GALNTL6: variants seen among roughly 807,000 people sequenced by gnomAD.
GALNTL6 encodes polypeptide N-acetylgalactosaminyltransferase-like 6.
Under a neutral mutation model 73.7 loss-of-function variants are expected in GALNTL6, and 46 were observed. The ratio of observed to expected loss-of-function variants is 0.62; its 90% CI spans 0.49 to 0.80. GALNTL6 has a LOEUF of 0.80. Among genes scored for constraint, GALNTL6 ranks in the 30% least tolerant of loss-of-function variants. The pLI is 0.00. For missense variants in GALNTL6, 604 were observed against 755.0 expected (o/e 0.80, Z 2.34); for synonymous variants, 259 against 263.7 (o/e 0.98, Z 0.17).
chr4:172,757,795 G>A (rs561286655), intron 5 of GALNTL6, among the ~76,000 whole-genome samples: 126 of 152,296 alleles, frequency 8.3e-4, no homozygotes, highest in African/African-American at 2.8e-3. Flanking sequence ...TAAATGTTGA[G>A]ATGTTACGTC....
chr4:171,963,055 T>G (rs547225392), intron 2 of GALNTL6, among the ~76,000 whole-genome samples: 1 of 145,462 alleles, frequency 6.9e-6, no homozygotes. Context: ...TGTGAGCCAC[T>G]GCGCCCAACC....
intron 8 of GALNTL6, among the ~76,000 whole-genome samples, chr4:172,895,435 G>T (rs1746274703): frequency 6.7e-6 from 1 of 149,152 alleles, no homozygotes; most frequent in African/African-American, 2.5e-5. Flanking sequence ...CTGAATCTAT[G>T]GTTCCACTCC....
chr4:172,454,147 A>T (rs576858590), intron 5 of GALNTL6, among the ~76,000 whole-genome samples: 1 of 152,330 alleles, frequency 6.6e-6, no homozygotes, highest in African/African-American at 2.4e-5. Context: ...AAAAAAAATA[A>T]TAAGAGGCTT....
intron 5 of GALNTL6, among the ~76,000 whole-genome samples, chr4:172,607,309 A>G (rs1738341028): frequency 6.6e-6 from 1 of 152,076 alleles, no homozygotes; most frequent in African/African-American, 2.4e-5. Context: ...TCCACCCTCA[A>G]GTAGACCCTG....
At chr4:173,037,709 A>T (rs1753749879) in intron 12 of GALNTL6, among the ~76,000 whole-genome samples, 1 of 151,712 alleles carries the variant, frequency 6.6e-6, no homozygotes, top group Non-Finnish European at 1.5e-5. Flanking sequence ...ATGTGTTTTG[A>T]GGGGGAAATT....
chr4:172,778,975 ACT>A (rs796418429), intron 5 of GALNTL6, among the ~76,000 whole-genome samples: 20 of 143,260 alleles, frequency 1.4e-4, no homozygotes, highest in East Asian at 4.0e-4. Context: ...ACCCCCCTTC[ACT>A]CTCTCTCTCT....
At chr4:171,886,477 G>C (rs998378103) in intron 2 of GALNTL6, among the ~76,000 whole-genome samples, 52 of 110,708 alleles carry the variant, frequency 4.7e-4, no homozygotes, top group Non-Finnish European at 2.8e-4. Flanking sequence ...TTTAGTTTAT[G>C]AGTAAAAAAG....
chr4:172,937,145 T>A (rs1220564041), intron 9 of GALNTL6, among the ~76,000 whole-genome samples: 1 of 151,984 alleles, frequency 6.6e-6, no homozygotes, highest in Non-Finnish European at 1.5e-5. Context: ...CTTTACTCCT[T>A]GACTGTAGGG....
chr4:172,765,423 G>T (rs1162688207), intron 5 of GALNTL6, among the ~76,000 whole-genome samples: 1 of 152,136 alleles, frequency 6.6e-6, no homozygotes, highest in Non-Finnish European at 1.5e-5. Flanking sequence ...CTAAGTCCTT[G>T]TTTGGTAAAT....
intron 5 of GALNTL6, among the ~76,000 whole-genome samples, chr4:172,804,986 T>C (rs1740868751): frequency 6.6e-6 from 1 of 152,138 alleles, no homozygotes; most frequent in African/African-American, 2.4e-5. Context: ...GGGATGCTTT[T>C]AAAAGGAAAA....
chr4:172,922,149 G>A (rs1747825786), intron 8 of GALNTL6, among the ~76,000 whole-genome samples: 2 of 151,968 alleles, frequency 1.3e-5, no homozygotes, highest in African/African-American at 4.8e-5. Context: ...TTTTTCTCTT[G>A]CCACCACCGT....
intron 5 of GALNTL6, among the ~76,000 whole-genome samples, chr4:172,533,564 C>T (rs1735243751): frequency 6.6e-6 from 1 of 151,860 alleles, no homozygotes; most frequent in Non-Finnish European, 1.5e-5. Flanking sequence ...ACTTCATGAT[C>T]CACCCGCCTC....
At position 171,930,188 on chromosome 4, in the gene GALNTL6, G is replaced by A. The variant is rs574725350; in HGVS notation, c.138+115470G>A. Among the ~76,000 whole-genome samples the A allele has an allele frequency of 3.3e-5, 5 of 152,304 alleles. No individual in the cohort carries two copies. The South Asian group carries it at 1.0e-3, about 32-fold the overall frequency. On this transcript the variant is annotated intron_variant, in intron 2 of 12. Transcript: ENST00000506823. ...AGGAGAGCACACGCGACAGCCTGTG[G>A]GTCCTGCACACCAATACATGCCCAG... is the stretch of plus-strand genomic sequence containing the variant.
At chr4:172,541,236 G>A (rs1277653446) in intron 5 of GALNTL6, among the ~76,000 whole-genome samples, 1 of 152,086 alleles carries the variant, frequency 6.6e-6, no homozygotes, top group Non-Finnish European at 1.5e-5. Flanking sequence ...CATAGCCTTA[G>A]GTCTTGTTTA....
chr4:173,027,085 T>A (rs1753263542), intron 12 of GALNTL6, among the ~76,000 whole-genome samples: 1 of 152,144 alleles, frequency 6.6e-6, no homozygotes, highest in Non-Finnish European at 1.5e-5. Context: ...CCTCCCGGGT[T>A]CAAGCGAGAC....
chr4:172,858,463 T>C (rs1744224329), intron 7 of GALNTL6, among the ~76,000 whole-genome samples: 2 of 152,132 alleles, frequency 1.3e-5, no homozygotes, highest in African/African-American at 2.4e-5. Flanking sequence ...TCATATGATA[T>C]CATTTGAGCA....
chr4:172,132,081 G>A (rs1733513916), intron 2 of GALNTL6, among the ~76,000 whole-genome samples: 1 of 151,918 alleles, frequency 6.6e-6, no homozygotes, highest in African/African-American at 2.4e-5. Flanking sequence ...CAAAAATCTT[G>A]GAAGAGATAT....
intron 2 of GALNTL6, among the ~76,000 whole-genome samples, chr4:172,000,953 T>A (rs1231559963): frequency 2.0e-5 from 3 of 152,172 alleles, no homozygotes; most frequent in African/African-American, 4.8e-5. Flanking sequence ...CCAATCTTAC[T>A]TTCAGAAGGC....
intron 5 of GALNTL6, among the ~76,000 whole-genome samples, chr4:172,769,911 T>G (rs1738663361): frequency 6.6e-6 from 1 of 152,178 alleles, no homozygotes; most frequent in Non-Finnish European, 1.5e-5. Context: ...ATTTAACCGG[T>G]TTGACCCTTA....
Sources: gnomAD v4.1 joint callset for allele counts (sites outside exome capture counted in the v4.1 genomes callset) on GRCh38, gnomAD v4.1.1 for gene constraint, MANE v1.5 for transcripts, NCBI Gene and HGNC (gene_info 2026-07-23, HGNC 2026-07-21) for gene names.